Variants in HS3ST5 observed in about 807,000 individuals in gnomAD.
The protein encoded by HS3ST5 is heparan sulfate glucosamine 3-O-sulfotransferase 5.
In HS3ST5, 10 loss-of-function variants were observed where a neutral mutation model predicts 25.4. That is an observed-to-expected ratio of 0.39 (90% CI 0.24 to 0.67). HS3ST5 has a LOEUF of 0.67. HS3ST5 is among the 30% of genes least tolerant of loss of function. The pLI is 0.44. For missense variants in HS3ST5, 324 were observed against 420.7 expected (o/e 0.77, Z 2.01); for synonymous variants, 170 against 162.4 (o/e 1.05, Z -0.36).
chr6:114,149,929 C>T (rs918635374), intron 3 of HS3ST5, among the ~76,000 whole-genome samples: 1 of 152,094 alleles, frequency 6.6e-6, no homozygotes, highest in Non-Finnish European at 1.5e-5. Context: ...CCTGTCATAT[C>T]AAGAAGAGAC....
chr6:114,067,549 G>A (rs1304458359), intron 3 of HS3ST5, among the ~76,000 whole-genome samples: 1 of 152,136 alleles, frequency 6.6e-6, no homozygotes, highest in Non-Finnish European at 1.5e-5. Context: ...TATTACTATA[G>A]AGGTTTTGCT....
intron 1 of HS3ST5, among the ~76,000 whole-genome samples, chr6:114,283,213 T>C (rs1442759640): frequency 6.6e-6 from 1 of 151,988 alleles, no homozygotes; most frequent in Non-Finnish European, 1.5e-5. Flanking sequence ...TTTTCATCAT[T>C]TGCTTAAAAT....
chr6:114,204,512 A>G (rs1021503373), intron 2 of HS3ST5, among the ~76,000 whole-genome samples: 2 of 152,172 alleles, frequency 1.3e-5, no homozygotes, highest in African/African-American at 2.4e-5. Context: ...ATCTCTGACG[A>G]ATTTTTAGGG....
At chr6:114,328,456 C>CTACT (rs1356289257) in intron 1 of HS3ST5, among the ~76,000 whole-genome samples, 1 of 152,112 alleles carries the variant, frequency 6.6e-6, no homozygotes, top group Admixed American at 6.6e-5. Flanking sequence ...TGGCACTAGA[C>CTACT]TACTTCTCAT....
At chr6:114,110,974 C>T (rs1201659833) in intron 3 of HS3ST5, among the ~76,000 whole-genome samples, 1 of 152,046 alleles carries the variant, frequency 6.6e-6, no homozygotes, top group Non-Finnish European at 1.5e-5. Flanking sequence ...AATTCTTGAC[C>T]TTGGAATACA....
chr6:114,124,073 T>TCC (rs1173049233), intron 3 of HS3ST5, among the ~76,000 whole-genome samples: 3 of 152,168 alleles, frequency 2.0e-5, no homozygotes, highest in Non-Finnish European at 4.4e-5. Flanking sequence ...AAGATCTTCC[T>TCC]CCCGTGGTTT....
chr6:114,236,529 G>A (rs1771863239), intron 1 of HS3ST5, among the ~76,000 whole-genome samples: 1 of 152,020 alleles, frequency 6.6e-6, no homozygotes, highest in Non-Finnish European at 1.5e-5. Context: ...ATTTTTCTGT[G>A]CTGTTTTTGG....
chr6:114,256,387 C>CAA (rs776203710), intron 1 of HS3ST5, among the ~76,000 whole-genome samples: 46 of 127,328 alleles, frequency 3.6e-4, no homozygotes, highest in Non-Finnish European at 4.9e-4. Flanking sequence ...GACTCCCTCT[C>CAA]AAAAAAAAAA....
At chr6:114,160,990 T>G (rs907694261) in intron 3 of HS3ST5, among the ~76,000 whole-genome samples, 1 of 152,150 alleles carries the variant, frequency 6.6e-6, no homozygotes, top group Non-Finnish European at 1.5e-5. Context: ...TCCAGATAAT[T>G]GGAAAGGACA....
chr6:114,118,288 G>A (rs1448063442), intron 3 of HS3ST5, among the ~76,000 whole-genome samples: 1 of 151,984 alleles, frequency 6.6e-6, no homozygotes, highest in Non-Finnish European at 1.5e-5. Flanking sequence ...ATAATTTTCA[G>A]CGGAAAAAAA....
At chr6:114,319,871 T>C (rs1582813588) in intron 1 of HS3ST5, among the ~76,000 whole-genome samples, 1 of 152,114 alleles carries the variant, frequency 6.6e-6, no homozygotes, top group African/African-American at 2.4e-5. Context: ...TTGTTGTTGT[T>C]GTTAGTGGCT....
intron 3 of HS3ST5, among the ~76,000 whole-genome samples, chr6:114,129,365 C>T (rs1428968699): frequency 4.1e-5 from 6 of 147,444 alleles, no homozygotes. Context: ...ACACCATTCT[C>T]CTGCCTGGGC....
intron 1 of HS3ST5, among the ~76,000 whole-genome samples, chr6:114,264,593 T>C (rs1220357569): frequency 6.6e-6 from 1 of 152,202 alleles, no homozygotes; most frequent in African/African-American, 2.4e-5. Context: ...AGTTTCCTAA[T>C]GTGGTGTCTC....
chr6:114,072,360 C>T (rs1773872525), intron 3 of HS3ST5, among the ~76,000 whole-genome samples: 1 of 152,044 alleles, frequency 6.6e-6, no homozygotes, highest in Non-Finnish European at 1.5e-5. Flanking sequence ...TGTGGTGATG[C>T]CCATCCACTG....
intron 3 of HS3ST5, among the ~76,000 whole-genome samples, chr6:114,152,685 C>T (rs538011950): frequency 1.3e-5 from 2 of 152,308 alleles, no homozygotes; most frequent in South Asian, 4.1e-4. Context: ...GGGGCCAGCG[C>T]TGGCTCAGTT....
At chr6:114,132,465 AAG>A (rs1389284201) in intron 3 of HS3ST5, among the ~76,000 whole-genome samples, 1 of 152,226 alleles carries the variant, frequency 6.6e-6, no homozygotes, top group Non-Finnish European at 1.5e-5. Context: ...GGTAGTCAGA[AAG>A]AGAGCTATTC....
chr6:114,287,725 C>G (rs907061329), intron 1 of HS3ST5, among the ~76,000 whole-genome samples: 1 of 151,928 alleles, frequency 6.6e-6, no homozygotes, highest in Non-Finnish European at 1.5e-5. Flanking sequence ...ATCAAACAAA[C>G]ATCACCCTCT....
chr6:114,142,977 G>A (rs958362431), intron 3 of HS3ST5: 4 of 152,218 alleles, frequency 2.6e-5, no homozygotes, highest in South Asian at 2.1e-4. Context: ...AGTGGTGGAC[G>A]GTGGCCACAG....
intron 2 of HS3ST5, among the ~76,000 whole-genome samples, chr6:114,201,222 A>G (rs930641408): frequency 6.6e-6 from 1 of 152,118 alleles, no homozygotes; most frequent in African/African-American, 2.4e-5. Context: ...CTTGACGGCA[A>G]CTCAATTCTT....
Sources: allele counts gnomAD v4.1 joint callset (sites outside exome capture counted in the v4.1 genomes callset), GRCh38; gene constraint gnomAD v4.1.1; transcripts MANE v1.5; gene names NCBI Gene and HGNC (gene_info 2026-07-23, HGNC 2026-07-21).